Variants in RALYL observed in about 807,000 individuals in gnomAD.
RALYL encodes RALY RNA binding protein like.
A neutral mutation model predicts 35.1 loss-of-function variants in RALYL; 29 were observed. That is an observed-to-expected ratio of 0.83 (90% CI 0.61 to 1.13). RALYL has a LOEUF of 1.13. Ranked by LOEUF, RALYL falls within the 50% of genes most tolerant of loss-of-function variation. The pLI is 0.00. For synonymous variants in RALYL, 120 were observed against 127.6 expected (o/e 0.94, Z 0.40); for missense variants, 359 against 360.4 (o/e 1.00, Z 0.03).
chr8:84,843,064 G>A (rs958251528), intron 4 of RALYL, among the ~76,000 whole-genome samples: 2 of 152,148 alleles, frequency 1.3e-5, no homozygotes, highest in African/African-American at 4.8e-5. Context: ...CACAAGACAG[G>A]GATGCCCTCT....
chr8:84,408,590 C>T (rs890970343), intron 1 of RALYL, among the ~76,000 whole-genome samples: 20 of 152,094 alleles, frequency 1.3e-4, no homozygotes, highest in African/African-American at 4.1e-4. Context: ...TGTCCATGGA[C>T]GCTCTCTATG....
chr8:84,880,736 C>G (rs886504943), intron 7 of RALYL, among the ~76,000 whole-genome samples: 2 of 151,954 alleles, frequency 1.3e-5, no homozygotes, highest in African/African-American at 4.8e-5. Flanking sequence ...CCAAGTGATA[C>G]AACCATCACC....
rs1027792316 is a variant in RALYL, at chr8:84,760,505, G to A, written c.257-14074G>A. Reference sequence around the variant, plus strand: ...TTTTGTGATAATCTGATATTGAGACGAAAAGAAAATATCAGCGTATTTCCA... The same window carrying A: ...TTTTGTGATAATCTGATATTGAGACAAAAAGAAAATATCAGCGTATTTCCA... On this transcript the variant is annotated intron_variant, in intron 2 of 8. Transcript: ENST00000521268. 9.9e-5 allele frequency among the ~76,000 whole-genome samples: 15 copies of A among 152,002 alleles called. No individual in the cohort carries two copies. In the East Asian group the frequency reaches 2.1e-3, roughly 22 times the overall value.
chr8:84,364,206 G>A (rs544935768), intron 1 of RALYL, among the ~76,000 whole-genome samples: 10 of 152,060 alleles, frequency 6.6e-5, no homozygotes, highest in East Asian at 1.9e-4. Flanking sequence ...ATCAACCATC[G>A]CTTCTGACAA....
Position 84,664,502 on chromosome 8 carries a change from T to G in RALYL, c.257-110077T>G, listed in dbSNP as rs146639796. ...TTCCATTTGTTTGTGTGATCTCTGATGTCTTTTAGGTTTGTGGTTCTCCTT... is the reference window on the plus strand; with the variant it reads ...TTCCATTTGTTTGTGTGATCTCTGAGGTCTTTTAGGTTTGTGGTTCTCCTT... On this transcript the variant is annotated intron_variant, in intron 2 of 8. Coordinates refer to ENST00000521268, the MANE Select transcript of RALYL (RefSeq NM_173848.7). Among the ~76,000 whole-genome samples the G allele has an allele frequency of 2.3e-3, 354 of 152,160 alleles. 3 individuals carry two copies. Among genetic ancestry groups the G allele is most frequent in the African/African-American group, 8.0e-3 (332 of 41,542 alleles).
chr8:84,463,201 C>T (rs911616651), intron 1 of RALYL, among the ~76,000 whole-genome samples: 2 of 151,912 alleles, frequency 1.3e-5, no homozygotes, highest in Non-Finnish European at 2.9e-5. Context: ...CTTGTCTATG[C>T]TCCTCTCATG....
At chr8:84,252,197 G>A (rs906510276) in intron 1 of RALYL, among the ~76,000 whole-genome samples, 1 of 151,910 alleles carries the variant, frequency 6.6e-6, no homozygotes, top group Non-Finnish European at 1.5e-5. Flanking sequence ...AGAAACCTCC[G>A]CATTTTCACT....
chr8:84,481,663 G>A (rs887330255), intron 1 of RALYL, among the ~76,000 whole-genome samples: 1 of 152,098 alleles, frequency 6.6e-6, no homozygotes, highest in Non-Finnish European at 1.5e-5. Context: ...AAGAATAGAT[G>A]TACAAACATT....
intron 2 of RALYL, among the ~76,000 whole-genome samples, chr8:84,568,978 T>G (rs1277835632): frequency 6.7e-6 from 1 of 149,462 alleles, no homozygotes; most frequent in Non-Finnish European, 1.5e-5. Flanking sequence ...TTGCGAAAAT[T>G]TTCTCCCATT....
chr8:84,477,921 C>T (rs2053609124), intron 1 of RALYL, among the ~76,000 whole-genome samples: 1 of 151,920 alleles, frequency 6.6e-6, no homozygotes, highest in Non-Finnish European at 1.5e-5. Flanking sequence ...GAAAAAGAAA[C>T]TCCTTTTTTA....
At chr8:84,254,784 A>G (rs757057272) in intron 1 of RALYL, among the ~76,000 whole-genome samples, 2 of 151,024 alleles carry the variant, frequency 1.3e-5, no homozygotes, top group Non-Finnish European at 2.9e-5. Context: ...CTCACAGCTC[A>G]CCATGGCTGG....
intron 1 of RALYL, among the ~76,000 whole-genome samples, chr8:84,470,498 C>G (rs13256410): frequency 1.3e-5 from 2 of 151,072 alleles, no homozygotes; most frequent in Non-Finnish European, 2.9e-5. Flanking sequence ...CAAAAAAAGC[C>G]TTTTTGAGCT....
At chr8:84,257,675 G>A (rs754770358) in intron 1 of RALYL, among the ~76,000 whole-genome samples, 3 of 152,054 alleles carry the variant, frequency 2.0e-5, no homozygotes, top group Admixed American at 1.3e-4. Flanking sequence ...ACTCTAGAGC[G>A]TTAGGCAACA....
intron 2 of RALYL, among the ~76,000 whole-genome samples, chr8:84,677,652 C>G (rs181299969): frequency 6.6e-6 from 1 of 151,998 alleles, no homozygotes. Context: ...TGCTTAAAAC[C>G]AGCAGTATTT....
intron 8 of RALYL, among the ~76,000 whole-genome samples, chr8:84,888,792 C>T (rs889152214): frequency 1.3e-5 from 2 of 152,120 alleles, no homozygotes; most frequent in Non-Finnish European, 2.9e-5. Flanking sequence ...CTCTGTCCCC[C>T]AGGCTGGAGT....
At chr8:84,804,858 A>G in intron 4 of RALYL, 56 bp downstream of exon 4, 1 of 905,720 alleles carries the variant, frequency 1.1e-6, no homozygotes, top group South Asian at 3.5e-5. Flanking sequence ...ATTTCCAAGA[A>G]CTTCTGAGAT....
chr8:84,669,490 C>G (rs1025832891), intron 2 of RALYL, among the ~76,000 whole-genome samples: 1 of 49,650 alleles, frequency 2.0e-5, no homozygotes, highest in Non-Finnish European at 3.9e-5. Flanking sequence ...TCCCCCCTCC[C>G]CCCCCCCCCA....
chr8:84,533,503 G>A (rs530676416), intron 2 of RALYL, among the ~76,000 whole-genome samples: 9 of 152,038 alleles, frequency 5.9e-5, no homozygotes, highest in African/African-American at 1.2e-4. Context: ...CTTTATATTC[G>A]GATTATTTTA....
intron 2 of RALYL, among the ~76,000 whole-genome samples, chr8:84,536,451 A>C (rs892540817): frequency 6.6e-6 from 1 of 152,212 alleles, no homozygotes; most frequent in Non-Finnish European, 1.5e-5. Flanking sequence ...GGTAAGTATT[A>C]TTCTTCTGCA....
Sources: allele counts gnomAD v4.1 joint callset (sites outside exome capture counted in the v4.1 genomes callset), GRCh38; gene constraint gnomAD v4.1.1; transcripts MANE v1.5; gene names NCBI Gene and HGNC (gene_info 2026-07-23, HGNC 2026-07-21).